TBC1D22A: variants seen among roughly 807,000 people sequenced by gnomAD.
TBC1D22A encodes the protein TBC1 domain family member 22A.
A neutral mutation model predicts 60.2 loss-of-function variants in TBC1D22A; 38 were observed. That is an observed-to-expected ratio of 0.63 (90% CI 0.49 to 0.83). The LOEUF is 0.83. Among genes scored for constraint, TBC1D22A ranks in the 40% least tolerant of loss-of-function variants. TBC1D22A has a pLI of 0.00. For synonymous variants in TBC1D22A, 302 were observed against 281.7 expected, an observed-to-expected ratio of 1.07 and a Z score of -0.72; for missense variants, 628 against 701.0, an observed-to-expected ratio of 0.90 and a Z score of 1.18.
chr22:46,856,185 C>T (rs1298983779), intron 4 of TBC1D22A, among the ~76,000 whole-genome samples: 3 of 152,168 alleles, frequency 2.0e-5, no homozygotes, highest in African/African-American at 4.8e-5. Context: ...GGGCCCTACC[C>T]GAAGTGTGGA....
intron 1 of TBC1D22A, among the ~76,000 whole-genome samples, chr22:46,768,626 C>G (rs1023862669): frequency 1.3e-5 from 2 of 152,140 alleles, no homozygotes; most frequent in Non-Finnish European, 2.9e-5. Flanking sequence ...TCTCGCCACA[C>G]TTCACTTTAA....
intron 12 of TBC1D22A, among the ~76,000 whole-genome samples, chr22:47,149,936 C>G (rs902960643): frequency 6.6e-6 from 1 of 152,090 alleles, no homozygotes; most frequent in African/African-American, 2.4e-5. Context: ...TCAGATGAAC[C>G]CCTTCAGAGA....
chr22:46,777,915 C>T lies in TBC1D22A; in HGVS notation c.63-14605C>T, dbSNP rs537234239. ...CCAGGTAGAGTTAGCGCAGTGTCGC[C>T]TGCTGCACACCTAGGCTGTACGGCA... On this transcript the variant is annotated intron_variant, in intron 1 of 12. Transcript: ENST00000337137. The surrounding 1 kb of genome is among the most constrained non-coding windows in gnomAD (Gnocchi z 4.5). 4.6e-5 allele frequency among the ~76,000 whole-genome samples: 7 copies of T among 152,298 alleles called. No homozygotes were observed. In the East Asian group the frequency reaches 9.6e-4, roughly 21 times the overall value.
At chr22:47,141,476 G>T (rs2067083218) in intron 12 of TBC1D22A, among the ~76,000 whole-genome samples, 2 of 152,260 alleles carry the variant, frequency 1.3e-5, no homozygotes, top group Non-Finnish European at 2.9e-5. Context: ...ACAGAGGGCA[G>T]TTGTCCCCAG....
intron 8 of TBC1D22A, among the ~76,000 whole-genome samples, chr22:46,951,914 C>T (rs1425728982): frequency 6.6e-6 from 1 of 152,228 alleles, no homozygotes; most frequent in Admixed American, 6.5e-5. Flanking sequence ...TACCTGGTCT[C>T]CTTTCATCTT....
intron 4 of TBC1D22A, among the ~76,000 whole-genome samples, chr22:46,805,841 C>T (rs901239395): frequency 1.4e-5 from 2 of 139,098 alleles, no homozygotes; most frequent in African/African-American, 5.3e-5. Context: ...TGTCCTTCTT[C>T]TTCTTCTTCT....
chr22:47,062,087 C>CAAAAAAAA (rs908701365), intron 11 of TBC1D22A, among the ~76,000 whole-genome samples: 4,294 of 62,632 alleles, frequency 0.069, 473 homozygotes, highest in African/African-American at 0.088. Flanking sequence ...GACTCCATCT[C>CAAAAAAAA]AAAAAAAAAA....
intron 11 of TBC1D22A, among the ~76,000 whole-genome samples, chr22:47,108,164 T>C (rs896291794): frequency 6.6e-6 from 1 of 152,228 alleles, no homozygotes; most frequent in African/African-American, 2.4e-5. Context: ...AAGGTAAATA[T>C]ACTCCTACCA....
At chr22:46,923,479 A>G (rs1372789876) in intron 8 of TBC1D22A, among the ~76,000 whole-genome samples, 1 of 152,212 alleles carries the variant, frequency 6.6e-6, no homozygotes, top group Non-Finnish European at 1.5e-5. Flanking sequence ...CCTCGAAGGT[A>G]GCCTGGGTCT....
chr22:47,145,823 G>A (rs977302627), intron 12 of TBC1D22A, among the ~76,000 whole-genome samples: 1 of 152,112 alleles, frequency 6.6e-6, no homozygotes, highest in Non-Finnish European at 1.5e-5. Flanking sequence ...GCCTGGGTCG[G>A]CCTCAGCCCA....
chr22:46,904,469 AACG>A (rs1298161875), intron 7 of TBC1D22A, among the ~76,000 whole-genome samples: 3 of 131,290 alleles, frequency 2.3e-5, no homozygotes, highest in African/African-American at 3.6e-5. Flanking sequence ...CAGGATGAAA[AACG>A]AATTTTTTTT....
At chr22:47,004,082 C>G (rs775485576) in intron 10 of TBC1D22A, among the ~76,000 whole-genome samples, 1 of 150,340 alleles carries the variant, frequency 6.7e-6, no homozygotes, top group Non-Finnish European at 1.5e-5. Context: ...TGCCTGTATA[C>G]ACACACACCC....
chr22:46,858,639 A>G (rs2087697786), intron 4 of TBC1D22A, among the ~76,000 whole-genome samples: 1 of 152,210 alleles, frequency 6.6e-6, no homozygotes, highest in Non-Finnish European at 1.5e-5. Flanking sequence ...TCTCTCCTGC[A>G]GAAGAGCAGG....
Position 46,804,521 on chromosome 22 carries a change from G to C in TBC1D22A, c.637+6901G>C, listed in dbSNP as rs146137420. On this transcript the variant is annotated intron_variant, in intron 4 of 12. Transcript: ENST00000337137. ...CTGTTTTATCTGCAGAGTGATCTGG[G>C]CTTCAGGCAGGGCATGCGAGAGCCT... 1.8e-3 allele frequency among the ~76,000 whole-genome samples: 280 copies of C among 152,280 alleles called. 4 individuals carry two copies. The East Asian group carries it at 0.044, about 24-fold the overall frequency.
intron 10 of TBC1D22A, among the ~76,000 whole-genome samples, chr22:47,020,581 C>T (rs577997322): frequency 4.6e-5 from 7 of 150,910 alleles, no homozygotes; most frequent in African/African-American, 1.7e-4. Context: ...GATTCTCTGC[C>T]ATGCCTGGGT....
At chr22:46,809,728 A>C (rs528989804) in intron 4 of TBC1D22A, among the ~76,000 whole-genome samples, 2 of 152,076 alleles carry the variant, frequency 1.3e-5, no homozygotes, top group African/African-American at 2.4e-5. Context: ...AGAGGCCTCC[A>C]TAGTGTTTGG....
At chr22:47,063,733 G>A (rs1030996325) in intron 11 of TBC1D22A, among the ~76,000 whole-genome samples, 1 of 152,160 alleles carries the variant, frequency 6.6e-6, no homozygotes, top group African/African-American at 2.4e-5. Flanking sequence ...GGGCAGGGCT[G>A]GTTCGCTCTG....
At chr22:47,098,034 T>C (rs566433692) in intron 11 of TBC1D22A, among the ~76,000 whole-genome samples, 1 of 151,996 alleles carries the variant, frequency 6.6e-6, no homozygotes, top group Admixed American at 6.5e-5. Context: ...GGCTGCTTTA[T>C]TAGATACAAT....
intron 11 of TBC1D22A, among the ~76,000 whole-genome samples, chr22:47,080,589 A>G (rs778210401): frequency 2.7e-4 from 40 of 150,472 alleles, no homozygotes; most frequent in Non-Finnish European, 2.8e-4. Flanking sequence ...TTATAGCTAA[A>G]GCAGTGCTTG....
Sources: gnomAD v4.1 joint callset for allele counts (sites outside exome capture counted in the v4.1 genomes callset) on GRCh38, gnomAD v4.1.1 for gene constraint, Gnocchi (gnomAD v3.1) non-coding constraint, MANE v1.5 for transcripts, NCBI Gene and HGNC (gene_info 2026-07-23, HGNC 2026-07-21) for gene names.